TBC1D1: variants seen among roughly 807,000 people sequenced by gnomAD.
The protein encoded by TBC1D1 is TBC1 domain family member 1.
Under a neutral mutation model 125.6 loss-of-function variants are expected in TBC1D1, and 89 were observed. The ratio of observed to expected loss-of-function variants is 0.71; its 90% confidence interval spans 0.60 to 0.85. TBC1D1 has a LOEUF of 0.85. Among genes scored for constraint, TBC1D1 ranks in the 40% least tolerant of loss-of-function variants. The pLI, the probability that TBC1D1 is intolerant of heterozygous loss-of-function variation, is 0.00. For synonymous variants in TBC1D1, 565 were observed against 564.1 expected, an observed-to-expected ratio of 1.00 and a Z score of -0.02; for missense variants, 1,377 against 1,469.2, an observed-to-expected ratio of 0.94 and a Z score of 1.03.
In TBC1D1 at chr4:38,062,663, C is replaced by A. The variant is rs1752984651; in HGVS notation, c.2050+8325C>A. Among the ~76,000 whole-genome samples the A allele has an allele frequency of 3.1e-5, 4 of 127,158 alleles. 1 individual carries two copies. In the South Asian group the frequency reaches 8.3e-4, roughly 26 times the overall value. 83.4% of individuals were successfully genotyped at this position (127,158 alleles called of 152,430 possible). On this transcript the variant is annotated intron_variant, in intron 12 of 19. Coordinates refer to ENST00000261439, the MANE Select transcript of TBC1D1 (RefSeq NM_015173.4). ...CACCCCATTGTGCTTCTTGGCTTGT[C>A]ATTTCAAAAGTCAAGGAAGTCACAG...
chr4:37,930,611 G>A (rs1389755051), intron 2 of TBC1D1, among the ~76,000 whole-genome samples: 1 of 152,026 alleles, frequency 6.6e-6, no homozygotes, highest in Non-Finnish European at 1.5e-5. Context: ...ACAGATGTGT[G>A]CCACTGCACC....
chr4:38,115,589 T>G (rs1762852721), intron 15 of TBC1D1, 121 bp from the exon 18 acceptor site: 1 of 1,020,666 alleles, frequency 9.8e-7, no homozygotes, highest in African/African-American at 1.6e-5. Flanking sequence ...AAAGACTGAT[T>G]GATATTATGA....
chr4:37,926,028 TG>T (rs1219120614), intron 2 of TBC1D1, among the ~76,000 whole-genome samples: 1 of 152,232 alleles, frequency 6.6e-6, no homozygotes, highest in East Asian at 1.9e-4. Context: ...TGCCAGATGG[TG>T]CCCTGCAATG....
At chr4:37,895,265 T>C (rs893321839) in intron 1 of TBC1D1, among the ~76,000 whole-genome samples, 4 of 152,210 alleles carry the variant, frequency 2.6e-5, no homozygotes, top group Non-Finnish European at 5.9e-5. Flanking sequence ...TTCTTTTTAC[T>C]TTTAGCAGAA....
At chr4:38,045,420 A>AG (rs1749223753) in intron 9 of TBC1D1, among the ~76,000 whole-genome samples, 1 of 152,184 alleles carries the variant, frequency 6.6e-6, no homozygotes, top group Admixed American at 6.5e-5. Flanking sequence ...CAGAGTTGGG[A>AG]GGGGCTGCAT....
chr4:38,122,925 A>G (rs1764088438), intron 17 of TBC1D1, among the ~76,000 whole-genome samples: 1 of 152,178 alleles, frequency 6.6e-6, no homozygotes, highest in Non-Finnish European at 1.5e-5. Flanking sequence ...CTCCCCTCCA[A>G]ATTTCCTTTC....
chr4:37,970,402 T>C (rs1051703404), intron 2 of TBC1D1, among the ~76,000 whole-genome samples: 7 of 152,242 alleles, frequency 4.6e-5, no homozygotes, highest in South Asian at 2.1e-4. Context: ...CTGATTTCTG[T>C]CCTATCTCCT....
chr4:37,994,098 A>G (rs754268682), intron 2 of TBC1D1, among the ~76,000 whole-genome samples: 3 of 152,226 alleles, frequency 2.0e-5, no homozygotes, highest in Non-Finnish European at 4.4e-5. Flanking sequence ...GAACCTGCTC[A>G]GGAGGTCCTG....
At chr4:38,106,855 C>A (rs543906812) in intron 15 of TBC1D1, among the ~76,000 whole-genome samples, 1 of 152,292 alleles carries the variant, frequency 6.6e-6, no homozygotes, top group South Asian at 2.1e-4. Context: ...ACCACGGCCT[C>A]CCCTGCAGGG....
At chr4:37,973,066 G>A (rs901967513) in intron 2 of TBC1D1, among the ~76,000 whole-genome samples, 13 of 152,200 alleles carry the variant, frequency 8.5e-5, no homozygotes, top group Middle Eastern at 3.4e-3. Flanking sequence ...GAGCTGTCAC[G>A]TATATTTCTT....
chr4:37,946,364 T>C (rs2152312313), intron 2 of TBC1D1, among the ~76,000 whole-genome samples: 1 of 152,304 alleles, frequency 6.6e-6, no homozygotes, highest in South Asian at 2.1e-4. Flanking sequence ...ATGATAAATG[T>C]TTGAGGTGAT....
At chr4:38,092,229 A>G (rs1758542442) in intron 13 of TBC1D1, among the ~76,000 whole-genome samples, 5 of 152,220 alleles carry the variant, frequency 3.3e-5, no homozygotes, top group Admixed American at 3.3e-4. Context: ...CAATAGGTTC[A>G]TGGAAACTGC....
At chr4:37,952,255 G>A in intron 2 of TBC1D1, 1 of 562,932 alleles carries the variant, frequency 1.8e-6, no homozygotes, top group Non-Finnish European at 3.2e-6. Flanking sequence ...TCACAGGCTA[G>A]ATTTTAGATT....
chr4:37,955,761 G>A (rs1728805123), intron 2 of TBC1D1, among the ~76,000 whole-genome samples: 1 of 152,108 alleles, frequency 6.6e-6, no homozygotes, highest in Admixed American at 6.6e-5. Context: ...AGCACCTGTG[G>A]TCCAAGAATA....
chr4:38,042,081 C>G (rs990735947), intron 8 of TBC1D1, among the ~76,000 whole-genome samples: 3 of 151,478 alleles, frequency 2.0e-5, no homozygotes, highest in African/African-American at 7.3e-5. Flanking sequence ...GAGGCTGAGG[C>G]ATGAGAATCA....
chr4:37,964,984 T>C (rs982066394), intron 2 of TBC1D1, among the ~76,000 whole-genome samples: 3 of 152,228 alleles, frequency 2.0e-5, no homozygotes, highest in Non-Finnish European at 4.4e-5. Context: ...CATGAAGCCC[T>C]GTGTTTGTAG....
At chr4:37,920,392 A>G (rs1461331128) in intron 2 of TBC1D1, among the ~76,000 whole-genome samples, 1 of 152,124 alleles carries the variant, frequency 6.6e-6, no homozygotes, top group Non-Finnish European at 1.5e-5. Context: ...TTTAAGGAGG[A>G]ATAAGAACCG....
chr4:38,052,751 CACACACACACACAG>C (rs1191211535), intron 11 of TBC1D1, among the ~76,000 whole-genome samples: 78 of 148,792 alleles, frequency 5.2e-4, no homozygotes, highest in Admixed American at 2.0e-3. Context: ...CACACACACA[CACACACACACACAG>C]GATAACATCT....
chr4:37,969,547 C>T (rs577951404), intron 2 of TBC1D1, among the ~76,000 whole-genome samples: 1 of 152,222 alleles, frequency 6.6e-6, no homozygotes, highest in African/African-American at 2.4e-5. Context: ...GGTTTCACCA[C>T]GTTGGCCAGG....
Sources: gnomAD v4.1 joint callset for allele counts (sites outside exome capture counted in the v4.1 genomes callset) on GRCh38, gnomAD v4.1.1 for gene constraint, MANE v1.5 for transcripts, NCBI Gene and HGNC (gene_info 2026-07-23, HGNC 2026-07-21) for gene names.